Variants in SECISBP2L observed in about 807,000 individuals in gnomAD.
The protein encoded by SECISBP2L is selenocysteine insertion sequence-binding protein 2-like.
SECISBP2L carries 43 observed loss-of-function variants against 114.7 expected under a neutral mutation model. The observed-to-expected ratio is 0.38, with a 90% confidence interval of 0.29 to 0.48. The LOEUF (loss-of-function observed/expected upper bound fraction) is 0.48, where lower values mean the gene tolerates loss of function less well. Ranked by LOEUF, SECISBP2L falls within the 20% of genes least tolerant of loss-of-function variation. The probability of loss-of-function intolerance (pLI) is 0.98; values close to 1 mark genes in which losing one functional copy is unlikely to be tolerated. For synonymous variants in SECISBP2L, 451 were observed against 439.7 expected (o/e 1.03, Z -0.32); for missense variants, 1,136 against 1,301.1 (o/e 0.87, Z 1.95).
At chr15:49,042,313 G>GT (rs1248992835) in intron 1 of SECISBP2L, 1 of 150,656 alleles carries the variant, frequency 6.6e-6, no homozygotes, top group Non-Finnish European at 1.5e-5. Flanking sequence ...CATTCCATAG[G>GT]TTTTTTGTTT....
intron 14 of SECISBP2L, among the ~76,000 whole-genome samples, chr15:49,007,869 G>A (rs1051475056): frequency 2.0e-5 from 3 of 152,264 alleles, no homozygotes; most frequent in South Asian, 2.1e-4. Flanking sequence ...GGCTATGGAG[G>A]ATGAACTCAA....
At chr15:49,012,455 G>A (rs529041833) in intron 12 of SECISBP2L, among the ~76,000 whole-genome samples, 193 bp downstream of exon 12, 7 of 152,134 alleles carry the variant, frequency 4.6e-5, no homozygotes, top group Admixed American at 1.3e-4. Flanking sequence ...CCAGGGCCCC[G>A]TTCTACACAG....
chr15:49,031,190 G>C (rs1265602936), intron 4 of SECISBP2L, among the ~76,000 whole-genome samples: 1 of 151,634 alleles, frequency 6.6e-6, no homozygotes, highest in East Asian at 1.9e-4. Context: ...CTAGACTACA[G>C]GCACGTGCCA....
rs147407543 is a variant in SECISBP2L at position 49,011,746 on chromosome 15, T to G, written c.1849A>C (p.Ile617Leu). ...LDFIDDLPQE[I>L]VSQEDTGLSM... ...AGCTCCTTACCTTCCTGGGAAACAA[T>G]CTCCTGTGGCAAGTCATCAATAAAA... Residue 617 changes from isoleucine (I) to leucine (L), a missense_variant, in exon 13 of 18, where the codon ATT becomes CTT. Ile to Leu is a conservative substitution (Grantham distance 5, BLOSUM62 2). Transcript: ENST00000559471. 21 of 1,614,020 alleles carry G rather than the reference T, an allele frequency of 1.3e-5. 1 individual carries two copies. The African/African-American group carries it at 2.7e-4, about 20-fold the overall frequency.
chr15:49,004,521 T>C (rs1174361063), intron 14 of SECISBP2L, among the ~76,000 whole-genome samples: 1 of 152,196 alleles, frequency 6.6e-6, no homozygotes, highest in East Asian at 1.9e-4. Flanking sequence ...AATTGTGATG[T>C]AAGAGTGTTG....
intron 7 of SECISBP2L, among the ~76,000 whole-genome samples, chr15:49,022,288 C>A (rs1473569177): frequency 6.6e-6 from 1 of 152,018 alleles, no homozygotes; most frequent in Non-Finnish European, 1.5e-5. Context: ...TGCCTTACAC[C>A]ACTTCTAAAG....
chr15:49,000,203 CCAGT>C (rs1480102563), intron 15 of SECISBP2L, among the ~76,000 whole-genome samples: 5 of 152,136 alleles, frequency 3.3e-5, no homozygotes, highest in African/African-American at 1.2e-4. Context: ...TCCCTCAAAT[CCAGT>C]ATTTTTCTTT....
At chr15:49,045,431 G>C (rs184653230) in intron 1 of SECISBP2L, among the ~76,000 whole-genome samples, 42 of 152,326 alleles carry the variant, frequency 2.8e-4, no homozygotes, top group South Asian at 1.0e-3. Flanking sequence ...GAAGGGAATA[G>C]AGAGTGAATA....
intron 13 of SECISBP2L, 151 bp from the exon 14 acceptor site, chr15:49,009,529 A>G: frequency 1.5e-6 from 1 of 671,032 alleles, no homozygotes; most frequent in Non-Finnish European, 2.5e-6. Flanking sequence ...TCATATCACA[A>G]ATAAACATGT....
At chr15:48,999,283 T>G (rs2141060995) in intron 16 of SECISBP2L, among the ~76,000 whole-genome samples, 1 of 152,158 alleles carries the variant, frequency 6.6e-6, no homozygotes, top group South Asian at 2.1e-4. Context: ...ACACTACAGT[T>G]GATGAGCATT....
chr15:48,998,864 T>C (rs1366876684), intron 16 of SECISBP2L, among the ~76,000 whole-genome samples: 11 of 152,192 alleles, frequency 7.2e-5, no homozygotes, highest in Non-Finnish European at 1.6e-4. Flanking sequence ...AGTGGGCAGA[T>C]ATACATCTAT....
chr15:49,044,643 T>C (rs759167969), intron 1 of SECISBP2L, among the ~76,000 whole-genome samples: 2 of 152,198 alleles, frequency 1.3e-5, no homozygotes, highest in Non-Finnish European at 2.9e-5. Context: ...AAAACCTTCT[T>C]CCATGTTTTT....
chr15:49,019,362 T>G, intron 8 of SECISBP2L, 56 bp downstream of exon 8: 1 of 1,280,626 alleles, frequency 7.8e-7, no homozygotes, highest in African/African-American at 1.5e-5. Flanking sequence ...AACAAATTAA[T>G]TTCTTAATGG....
intron 1 of SECISBP2L, among the ~76,000 whole-genome samples, chr15:49,045,961 G>C (rs1280677567): frequency 6.6e-6 from 1 of 152,206 alleles, no homozygotes; most frequent in Non-Finnish European, 1.5e-5. Flanking sequence ...GAAGCGGGGA[G>C]ACTACTAGAA....
chr15:49,018,247 A>G (rs1264859652), intron 8 of SECISBP2L, among the ~76,000 whole-genome samples: 6 of 150,316 alleles, frequency 4.0e-5, no homozygotes, highest in African/African-American at 7.3e-5. Flanking sequence ...CTTATCTAAC[A>G]TATTATTGAT....
intron 17 of SECISBP2L, among the ~76,000 whole-genome samples, 174 bp from the exon 18 acceptor site, chr15:48,993,100 AGTGTGTGTGTGTGTGTGTGT>A (rs71120653): frequency 2.2e-5 from 3 of 139,130 alleles, no homozygotes; most frequent in African/African-American, 8.5e-5. Context: ...ACAGAGAGAG[AGTGTGTGTGTGTGTGTGTGT>A]GTGTGTGTGT....
At chr15:49,045,874 T>C (rs759718945) in intron 1 of SECISBP2L, among the ~76,000 whole-genome samples, 114 of 152,152 alleles carry the variant, frequency 7.5e-4, no homozygotes, top group Non-Finnish European at 2.5e-4. Flanking sequence ...ACACATTCTC[T>C]TACAGTCTTT....
At chr15:49,007,153 G>A (rs973663682) in intron 14 of SECISBP2L, among the ~76,000 whole-genome samples, 1 of 152,200 alleles carries the variant, frequency 6.6e-6, no homozygotes, top group Non-Finnish European at 1.5e-5. Context: ...ATTCCTGCCT[G>A]TTCCTTCCTC....
chr15:48,994,386 T>A (rs1902046958), intron 17 of SECISBP2L, among the ~76,000 whole-genome samples: 1 of 152,186 alleles, frequency 6.6e-6, no homozygotes, highest in South Asian at 2.1e-4. Flanking sequence ...GAACTGATTA[T>A]ATCATTGTCT....
Sources: gnomAD v4.1 joint callset for allele counts (sites outside exome capture counted in the v4.1 genomes callset) on GRCh38, gnomAD v4.1.1 for gene constraint, MANE v1.5 for transcripts, NCBI Gene and HGNC (gene_info 2026-07-23, HGNC 2026-07-21) for gene names.